Variants in CABCOCO1 observed in about 807,000 individuals in gnomAD.
CABCOCO1 encodes ciliary associated calcium binding coiled-coil 1, also known as ciliary-associated calcium-binding coiled-coil protein 1.
A neutral mutation model predicts 35.7 loss-of-function variants in CABCOCO1; 28 were observed. The ratio of observed to expected loss-of-function variants is 0.78; its 90% CI spans 0.58 to 1.07. The LOEUF (loss-of-function observed/expected upper bound fraction) is 1.07. Among genes scored for constraint, CABCOCO1 ranks in the 50% least tolerant of loss-of-function variants. The pLI, the probability that CABCOCO1 is intolerant of heterozygous loss-of-function variation, is 0.00. For synonymous variants in CABCOCO1, 95 were observed against 100.1 expected (o/e 0.95, Z 0.30); for missense variants, 326 against 309.2 (o/e 1.05, Z -0.41).
chr10:61,679,174 C>T (rs1839619262), intron 2 of CABCOCO1, among the ~76,000 whole-genome samples: 1 of 152,054 alleles, frequency 6.6e-6, no homozygotes, highest in Non-Finnish European at 1.5e-5. Flanking sequence ...TGCTAATGGT[C>T]CAAACCACAA....
chr10:61,680,726 T>A (rs1014864581), intron 2 of CABCOCO1, among the ~76,000 whole-genome samples: 1,122 of 57,950 alleles, frequency 0.019, 24 homozygotes, highest in Non-Finnish European at 0.03. Context: ...ACATATATAT[T>A]ATATATATAA....
chr10:61,740,741 T>C (rs995254828), intron 5 of CABCOCO1, among the ~76,000 whole-genome samples: 2 of 152,158 alleles, frequency 1.3e-5, no homozygotes, highest in African/African-American at 2.4e-5. Context: ...AATTAAAATA[T>C]AGTGGAATAT....
At chr10:61,679,323 CTAT>C (rs1287667411) in intron 2 of CABCOCO1, among the ~76,000 whole-genome samples, 1 of 139,930 alleles carries the variant, frequency 7.1e-6, no homozygotes, top group Non-Finnish European at 1.5e-5. Context: ...ATATCTATAT[CTAT>C]ATCTATCTAT....
At chr10:61,738,054 T>A (rs1234395829) in intron 5 of CABCOCO1, among the ~76,000 whole-genome samples, 134 of 141,722 alleles carry the variant, frequency 9.5e-4, no homozygotes, top group Non-Finnish European at 8.5e-4. Flanking sequence ...ATATCTTATT[T>A]AAAAAAAAAA....
At chr10:61,739,511 G>C (rs934662338) in intron 5 of CABCOCO1, among the ~76,000 whole-genome samples, 4 of 152,096 alleles carry the variant, frequency 2.6e-5, no homozygotes, top group Non-Finnish European at 4.4e-5. Context: ...GCAGTATTTT[G>C]AGCAAAGTAA....
chr10:61,760,576 A>G (rs541915713), intron 6 of CABCOCO1, among the ~76,000 whole-genome samples: 3 of 152,144 alleles, frequency 2.0e-5, no homozygotes, highest in South Asian at 4.1e-4. Context: ...CACAGGGAGG[A>G]GAACAACACA....
chr10:61,725,369 T>C (rs902344216), intron 5 of CABCOCO1, among the ~76,000 whole-genome samples: 7 of 152,108 alleles, frequency 4.6e-5, no homozygotes, highest in Non-Finnish European at 8.8e-5. Flanking sequence ...CAAATGTCCA[T>C]CAATGATAGA....
intron 7 of CABCOCO1, among the ~76,000 whole-genome samples, chr10:61,761,812 AACT>A (rs1319201221): frequency 1.3e-5 from 2 of 152,114 alleles, no homozygotes; most frequent in Non-Finnish European, 2.9e-5. Flanking sequence ...CTGTATTAAC[AACT>A]AATTTAAAAA....
intron 5 of CABCOCO1, among the ~76,000 whole-genome samples, chr10:61,734,132 G>A (rs1008438431): frequency 1.3e-5 from 2 of 151,598 alleles, no homozygotes; most frequent in African/African-American, 4.9e-5. Flanking sequence ...AAATAATTTG[G>A]TTCATTTGTT....
intron 4 of CABCOCO1, among the ~76,000 whole-genome samples, chr10:61,687,343 C>G (rs188423060): frequency 3.4e-4 from 52 of 152,294 alleles, no homozygotes; most frequent in Admixed American, 2.7e-3. Context: ...GGAGGAGAGC[C>G]TATTCCTCAA....
intron 5 of CABCOCO1, among the ~76,000 whole-genome samples, chr10:61,717,682 A>G (rs1244914267): frequency 6.6e-6 from 1 of 152,182 alleles, no homozygotes; most frequent in Non-Finnish European, 1.5e-5. Context: ...TATTTAGGAA[A>G]TTAACAGGAA....
intron 5 of CABCOCO1, among the ~76,000 whole-genome samples, chr10:61,700,796 T>C (rs1840428389): frequency 6.6e-6 from 1 of 152,082 alleles, no homozygotes; most frequent in Non-Finnish European, 1.5e-5. Context: ...AATTCTATCA[T>C]CAAGAGTATT....
chr10:61,718,647 G>T (rs2132038123), intron 5 of CABCOCO1, among the ~76,000 whole-genome samples: 1 of 152,274 alleles, frequency 6.6e-6, no homozygotes, highest in Non-Finnish European at 1.5e-5. Context: ...CAATCAAGTT[G>T]TCATTTTGGT....
In CABCOCO1 at chr10:61,690,536, T is replaced by C. The variant is rs1192193965; in HGVS notation, c.480-13T>C. 2 of 1,569,128 alleles carry C rather than the reference T, an allele frequency of 1.3e-6. No individual in the cohort carries two copies. The highest frequency in any genetic ancestry group is 1.7e-6 in the Non-Finnish European group (2 of 1,145,812). On this transcript the variant is annotated splice_polypyrimidine_tract_variant and intron_variant, in intron 4 of 7. Coordinates refer to ENST00000648843, the MANE Select transcript of CABCOCO1 (RefSeq NM_001366906.2). ...ATCAACTTATCAGAGTGCACATTTA[T>C]TTTATATTTCAGCTTATTTCAACAC...
intron 5 of CABCOCO1, among the ~76,000 whole-genome samples, chr10:61,700,853 T>C (rs1840429926): frequency 1.3e-5 from 2 of 152,080 alleles, no homozygotes; most frequent in African/African-American, 4.8e-5. Context: ...ACTATGTTAA[T>C]TATTTGATAA....
chr10:61,691,137 C>T (rs549763168), intron 5 of CABCOCO1, among the ~76,000 whole-genome samples: 16 of 152,140 alleles, frequency 1.1e-4, no homozygotes, highest in African/African-American at 2.9e-4. Flanking sequence ...TATTGTGTGC[C>T]AAATGATCTC....
Position 61,766,550 on chromosome 10 carries a change from C to T in CABCOCO1, c.*537C>T, listed in dbSNP as rs61850530. The T allele has an allele frequency of 0.048, 7,113 of 149,524 alleles. 360 individuals are homozygous for T. The highest frequency in any genetic ancestry group is 0.12 in the African/African-American group (4,992 of 40,656). 9.3% of individuals were successfully genotyped at this position (149,524 alleles called of 1,614,324 possible). A position where few individuals can be genotyped will look rare whatever the true frequency, so the allele number is the denominator to read the frequency against. On this transcript the variant is annotated 3_prime_UTR_variant, in exon 8 of 8. Coordinates refer to ENST00000648843, the MANE Select transcript of CABCOCO1 (RefSeq NM_001366906.2). ...AAATCATTTGGTTTTCTTATTTAAA[C>T]GTTTCAGTGTGAAACCAATTTTCTG...
intron 5 of CABCOCO1, among the ~76,000 whole-genome samples, chr10:61,729,259 T>C (rs1841239232): frequency 6.6e-6 from 1 of 152,224 alleles, no homozygotes; most frequent in African/African-American, 2.4e-5. Flanking sequence ...TGATGGACTA[T>C]TTCATTTTCT....
intron 5 of CABCOCO1, among the ~76,000 whole-genome samples, chr10:61,752,491 T>C (rs564436377): frequency 1.3e-5 from 2 of 152,202 alleles, no homozygotes; most frequent in East Asian, 3.9e-4. Context: ...ACACAAACTA[T>C]GAATAAAATA....
Sources: gnomAD v4.1 joint callset for allele counts (sites outside exome capture counted in the v4.1 genomes callset) on GRCh38, gnomAD v4.1.1 for gene constraint, MANE v1.5 for transcripts, NCBI Gene and HGNC (gene_info 2026-07-23, HGNC 2026-07-21) for gene names.